Variants in SYNE1 observed in about 807,000 individuals in gnomAD.
SYNE1 encodes the protein spectrin repeat containing nuclear envelope protein 1.
In SYNE1, 616 loss-of-function variants were observed where a neutral mutation model predicts 1,111.0. That is an observed-to-expected ratio of 0.55 (90% CI 0.52 to 0.59). The LOEUF (loss-of-function observed/expected upper bound fraction) is 0.59. Ranked by LOEUF, SYNE1 falls within the 20% of genes least tolerant of loss-of-function variation. The probability of loss-of-function intolerance (pLI) is 0.00; values close to 1 mark genes in which losing one functional copy is unlikely to be tolerated. For synonymous variants in SYNE1, 3,855 were observed against 3,825.8 expected (o/e 1.01, Z -0.28); for missense variants, 10,006 against 10,417.0 (o/e 0.96, Z 1.72).
intron 87 of SYNE1, among the ~76,000 whole-genome samples, chr6:152,313,536 C>A (rs2095618238): frequency 6.7e-6 from 1 of 149,822 alleles, no homozygotes; most frequent in Non-Finnish European, 1.5e-5. Flanking sequence ...GATCTAAGCT[C>A]ACTGCAACGG....
chr6:152,162,915 T>TA (rs994145194), intron 131 of SYNE1, among the ~76,000 whole-genome samples: 18 of 152,136 alleles, frequency 1.2e-4, no homozygotes, highest in African/African-American at 4.3e-4. Context: ...ATTTTAATAT[T>TA]AAAAAAACCT....
rs1284888928 is a variant in SYNE1 at position 152,455,512 on chromosome 6, G to A, written c.2806C>T (p.Arg936Ter). 5 of 1,614,054 alleles carry A rather than the reference G, an allele frequency of 3.1e-6. No homozygotes were observed. Among genetic ancestry groups the A allele is most frequent in the Admixed American group, 3.3e-5 (2 of 60,008 alleles). The change falls in exon 24 of 146, where the codon CGA becomes TGA. Residue 936 changes from arginine to a stop codon, truncating the protein, a stop_gained. Coordinates refer to ENST00000367255, the MANE Select transcript of SYNE1 (RefSeq NM_182961.4). LOFTEE classifies it high-confidence loss of function. ...SRLMKKFEES[R>*]AELEKVLRIA... is the part of the protein sequence containing the mutation. ...CGCAGTACCTTCTCCAACTCTGCTC[G>A]AGACTCCTCAAACTTCTTCATCAAG...
intron 76 of SYNE1, chr6:152,335,145 T>A (rs970944587): frequency 6.6e-6 from 1 of 152,216 alleles, no homozygotes; most frequent in Non-Finnish European, 1.5e-5. Context: ...TGGACTTCCA[T>A]ACTTCCCCAC....
At position 152,213,606 on chromosome 6, in the gene SYNE1, A is replaced by G; in HGVS notation, c.22494+6T>C. 6.2e-7 allele frequency: 1 copy of G among 1,614,028 alleles called. No individual in the cohort carries two copies. Among genetic ancestry groups the G allele is most frequent in the Non-Finnish European group, 8.5e-7 (1 of 1,179,946 alleles). ...TATTACCCCCAAATCTACTGATACAACTTACCTCGTGTGCTCTCTGCTGTT... is the reference window on the plus strand; with the variant it reads ...TATTACCCCCAAATCTACTGATACAGCTTACCTCGTGTGCTCTCTGCTGTT... On this transcript the variant is annotated splice_donor_region_variant and intron_variant, in intron 123 of 145. Coordinates refer to ENST00000367255, the MANE Select transcript of SYNE1 (RefSeq NM_182961.4).
intron 3 of SYNE1, among the ~76,000 whole-genome samples, chr6:152,611,500 G>A (rs1489853838): frequency 2.6e-5 from 4 of 152,156 alleles, no homozygotes; most frequent in South Asian, 2.1e-4. Context: ...CATAAAGCAA[G>A]TCCTTAGAGA....
Position 152,329,965 on chromosome 6 carries a change from A to G in SYNE1, c.14720T>C (p.Leu4907Pro). The change falls in exon 78 of 146, where the codon CTC becomes CCC. Residue 4907 changes from leucine to proline, a missense_variant. By Grantham distance (98) the Leu-to-Pro change is moderately conservative. Coordinates refer to ENST00000367255, the MANE Select transcript of SYNE1 (RefSeq NM_182961.4). ...GAGGTCTAGGTACACCGGCCCACTG[A>G]GCTCTGCCTTCACTCTCCTCAGCCA... Reference protein sequence around the residue: ...LDWLRRVKAELSGPVYLDLNL... With the variant: ...LDWLRRVKAEPSGPVYLDLNL... 1 of 1,614,078 alleles carries G rather than the reference A, an allele frequency of 6.2e-7. No homozygotes were observed. The highest frequency in any genetic ancestry group is 8.5e-7 in the Non-Finnish European group (1 of 1,180,016).
intron 2 of SYNE1, among the ~76,000 whole-genome samples, chr6:152,632,718 C>T (rs2099699965): frequency 6.6e-6 from 1 of 152,114 alleles, no homozygotes; most frequent in African/African-American, 2.4e-5. Context: ...TTTCTGAGCC[C>T]TTCTTTCATC....
chr6:152,462,884 G>T lies in SYNE1; in HGVS notation c.2104C>A (p.Gln702Lys). 6.2e-7 allele frequency: 1 copy of T among 1,613,818 alleles called. No individual in the cohort carries two copies. Among genetic ancestry groups the T allele is most frequent in the South Asian group, 1.1e-5 (1 of 91,064 alleles). ...ELFMEVKQYAQADEMDRMKKE... is the reference protein window; with the variant it reads ...ELFMEVKQYAKADEMDRMKKE... ...TTCATTCTGTCCATCTCATCAGCTT[G>T]AGCATACTGTTAAGGAAAGGGAGGA... The change falls in exon 20 of 146, where the codon CAA becomes AAA. Residue 702 changes from glutamine (Q) to lysine (K), a missense_variant. Gln to Lys is a moderately conservative substitution (Grantham distance 53, BLOSUM62 1). Transcript: ENST00000367255.
intron 137 of SYNE1, chr6:152,145,367 G>A (rs2059289686): frequency 1.1e-6 from 1 of 915,268 alleles, no homozygotes; most frequent in East Asian, 2.5e-5. Context: ...AGTAAGAGAG[G>A]AAGGCTGTGC....
intron 74 of SYNE1, among the ~76,000 whole-genome samples, chr6:152,341,731 C>T (rs767909617): frequency 1.3e-5 from 2 of 152,156 alleles, no homozygotes; most frequent in Non-Finnish European, 2.9e-5. Context: ...CACAGTAAGT[C>T]CTCATTTAAT....
chr6:152,263,017 A>G (rs573342153), intron 100 of SYNE1, among the ~76,000 whole-genome samples: 1 of 148,390 alleles, frequency 6.7e-6, no homozygotes, highest in South Asian at 2.1e-4. Context: ...CAGGACACGG[A>G]AAGATAGTAC....
chr6:152,324,051 G>A (rs931629753), intron 81 of SYNE1, among the ~76,000 whole-genome samples: 13 of 152,058 alleles, frequency 8.5e-5, no homozygotes, highest in Non-Finnish European at 1.9e-4. Context: ...ACATAAATGA[G>A]TGCCTTTAAA....
At chr6:152,131,793 T>C (rs17082167) in intron 144 of SYNE1, among the ~76,000 whole-genome samples, 5,765 of 152,274 alleles carry the variant, frequency 0.038, 125 homozygotes, top group South Asian at 0.074. Context: ...AAGATAGTCG[T>C]GGCAGCCATG....
chr6:152,370,130 AT>A (rs1312369525), intron 59 of SYNE1, among the ~76,000 whole-genome samples: 1 of 151,868 alleles, frequency 6.6e-6, no homozygotes, highest in African/African-American at 2.4e-5. Context: ...TGAAAATAGA[AT>A]TTTTCCCCCC....
chr6:152,592,691 A>C (rs1479616323), intron 3 of SYNE1, among the ~76,000 whole-genome samples: 1 of 152,200 alleles, frequency 6.6e-6, no homozygotes, highest in East Asian at 1.9e-4. Flanking sequence ...CTGCACAGGT[A>C]CCCTCTGTAT....
intron 95 of SYNE1, among the ~76,000 whole-genome samples, chr6:152,291,308 CTT>C (rs1197811989): frequency 6.7e-6 from 1 of 149,400 alleles, no homozygotes. Flanking sequence ...TATTTTCTCT[CTT>C]AATAAACCAT....
intron 48 of SYNE1, 87 bp downstream of exon 48, chr6:152,399,529 A>G: frequency 1.3e-6 from 2 of 1,532,696 alleles, no homozygotes; most frequent in East Asian, 2.2e-5. Flanking sequence ...AGTTTCCTCA[A>G]ACTTTTGCTG....
At chr6:152,196,635 T>C (rs2074202014) in intron 127 of SYNE1, among the ~76,000 whole-genome samples, 1 of 152,034 alleles carries the variant, frequency 6.6e-6, no homozygotes, top group African/African-American at 2.4e-5. Flanking sequence ...CTTACTGTAA[T>C]TGAGTTGGTA....
At chr6:152,498,675 G>A in intron 11 of SYNE1, 67 bp downstream of exon 11, 2 of 1,116,328 alleles carry the variant, frequency 1.8e-6, no homozygotes, top group Middle Eastern at 4.0e-4. Flanking sequence ...GCAAGGGAAT[G>A]ACTAAAATGC....
Sources: gnomAD v4.1 joint callset for allele counts (sites outside exome capture counted in the v4.1 genomes callset) on GRCh38, gnomAD v4.1.1 for gene constraint, MANE v1.5 for transcripts, NCBI Gene and HGNC (gene_info 2026-07-23, HGNC 2026-07-21) for gene names.